Variants in SWAP70 observed in about 807,000 individuals in gnomAD.
SWAP70 encodes switch-associated protein 70.
In SWAP70, 34 loss-of-function variants were observed where a neutral mutation model predicts 80.2. The ratio of observed to expected loss-of-function variants is 0.42; its 90% CI spans 0.32 to 0.56. The LOEUF is 0.56. Among genes scored for constraint, SWAP70 ranks in the 20% least tolerant of loss-of-function variants. The probability of loss-of-function intolerance (pLI) is 0.09; values close to 1 mark genes in which losing one functional copy is unlikely to be tolerated. For synonymous variants in SWAP70, 239 were observed against 238.5 expected (o/e 1.00, Z -0.02); for missense variants, 578 against 690.7 (o/e 0.84, Z 1.83).
intron 3 of SWAP70, chr11:9,719,960 A>C (rs1011277486): frequency 2.2e-6 from 1 of 463,026 alleles, no homozygotes; most frequent in African/African-American, 2.1e-5. Flanking sequence ...TTGGAACTGA[A>C]GGCCTCGAAA....
Position 9,724,782 on chromosome 11 carries a change from A to G in SWAP70, c.539A>G (p.Glu180Gly), listed in dbSNP as rs773729372. The G allele has an allele frequency of 1.9e-6, 3 of 1,614,064 alleles. No individual in the cohort carries two copies. Among genetic ancestry groups the G allele is most frequent in the Non-Finnish European group, 2.5e-6 (3 of 1,179,964 alleles). ...KNGLSAWELIELIGNGQFSKG... is the reference protein window; with the variant it reads ...KNGLSAWELIGLIGNGQFSKG... ...GGCCTTTCTGCATGGGAACTTATTGAGCTTATTGGAAATGGACAGTTTAGC... is the reference window on the plus strand; with the variant it reads ...GGCCTTTCTGCATGGGAACTTATTGGGCTTATTGGAAATGGACAGTTTAGC... Residue 180 changes from glutamate (E) to glycine (G), a missense_variant, in exon 4 of 12, where the codon GAG (glutamate) becomes GGG (glycine). Glu to Gly is a moderately conservative substitution (Grantham distance 98). Transcript: ENST00000318950.
chr11:9,746,982 A>G (rs1038609879), intron 9 of SWAP70, among the ~76,000 whole-genome samples: 1 of 152,246 alleles, frequency 6.6e-6, no homozygotes, highest in Admixed American at 6.5e-5. Context: ...CTGACCAGTC[A>G]TGTGACTTGA....
chr11:9,695,969 A>AT (rs1850752406), intron 2 of SWAP70, among the ~76,000 whole-genome samples: 1 of 151,786 alleles, frequency 6.6e-6, no homozygotes, highest in Non-Finnish European at 1.5e-5. Context: ...TCACTTTTGT[A>AT]TTTTTTTGTA....
intron 3 of SWAP70, among the ~76,000 whole-genome samples, chr11:9,721,456 A>AT (rs1303497446): frequency 1.4e-5 from 2 of 145,464 alleles, no homozygotes; most frequent in Non-Finnish European, 3.0e-5. Context: ...CTTTTAATAT[A>AT]TTTTTTCTTT....
intron 1 of SWAP70, among the ~76,000 whole-genome samples, chr11:9,686,327 G>A (rs746108817): frequency 4.4e-5 from 4 of 90,918 alleles, no homozygotes; most frequent in African/African-American, 1.4e-4. Flanking sequence ...GTATCCTTTC[G>A]TATCCTCTTT....
intron 9 of SWAP70, chr11:9,742,080 A>C (rs1299436909): frequency 6.6e-6 from 1 of 152,018 alleles, no homozygotes; most frequent in Non-Finnish European, 1.5e-5. Context: ...TCTCAAAAAA[A>C]ACACAAAACA....
chr11:9,674,129 G>T (rs1850455374), intron 1 of SWAP70, among the ~76,000 whole-genome samples: 1 of 152,096 alleles, frequency 6.6e-6, no homozygotes. Context: ...TCAAACTCCT[G>T]ACCTCAAGTG....
At chr11:9,732,318 A>G (rs775773138) in intron 6 of SWAP70, among the ~76,000 whole-genome samples, 1 of 152,124 alleles carries the variant, frequency 6.6e-6, no homozygotes, top group Non-Finnish European at 1.5e-5. Context: ...TGATGCTGCA[A>G]GAGGTTATTT....
intron 2 of SWAP70, among the ~76,000 whole-genome samples, chr11:9,706,040 A>G (rs867684298): frequency 1.9e-3 from 16 of 8,378 alleles, no homozygotes; most frequent in Non-Finnish European, 3.1e-3. Flanking sequence ...TGATCTGTAT[A>G]CACTGGTGAT....
At chr11:9,713,766 G>C in intron 3 of SWAP70, 127 bp downstream of exon 3, 1 of 1,104,522 alleles carries the variant, frequency 9.1e-7, no homozygotes, top group Non-Finnish European at 1.3e-6. Context: ...TGGATCAGAG[G>C]CAAAGCAGCC....
chr11:9,740,726 G>C (rs914660200), intron 9 of SWAP70: 1 of 263,508 alleles, frequency 3.8e-6, no homozygotes, highest in Non-Finnish European at 7.3e-6. Flanking sequence ...GCAGAGGCCT[G>C]TTCAGGCCAA....
At chr11:9,694,041 T>C in intron 1 of SWAP70, 105 bp from the exon 2 acceptor site, 4 of 1,375,080 alleles carry the variant, frequency 2.9e-6, no homozygotes, top group South Asian at 1.8e-5. Flanking sequence ...TAGTTTATTT[T>C]CCATCTTTCT....
intron 1 of SWAP70, among the ~76,000 whole-genome samples, chr11:9,690,235 G>C (rs1461261667): frequency 6.6e-6 from 1 of 152,034 alleles, no homozygotes; most frequent in Non-Finnish European, 1.5e-5. Flanking sequence ...CTTTTTACTA[G>C]TTTATATTCC....
At chr11:9,676,933 G>T (rs1476240851) in intron 1 of SWAP70, among the ~76,000 whole-genome samples, 5 of 152,016 alleles carry the variant, frequency 3.3e-5, no homozygotes, top group Non-Finnish European at 7.4e-5. Flanking sequence ...GATTACAGGC[G>T]TGAGCCACTG....
At chr11:9,675,910 C>T (rs1230937069) in intron 1 of SWAP70, among the ~76,000 whole-genome samples, 1 of 123,616 alleles carries the variant, frequency 8.1e-6, no homozygotes, top group East Asian at 2.5e-4. Context: ...GCTCTGTTAA[C>T]TTGATTTGCA....
At chr11:9,672,221 A>ATATATATG (rs1292395886) in intron 1 of SWAP70, among the ~76,000 whole-genome samples, 6 of 134,864 alleles carry the variant, frequency 4.4e-5, no homozygotes, top group African/African-American at 1.6e-4. Context: ...ATATATATAT[A>ATATATATG]TATATATGAT....
chr11:9,721,573 G>C (rs1223513374), intron 3 of SWAP70, among the ~76,000 whole-genome samples: 1 of 150,988 alleles, frequency 6.6e-6, no homozygotes, highest in Non-Finnish European at 1.5e-5. Flanking sequence ...CTTGGCTCAA[G>C]CAGTCTTCCC....
At chr11:9,726,668 T>C (rs72850674) in intron 4 of SWAP70, among the ~76,000 whole-genome samples, 1,532 of 152,378 alleles carry the variant, frequency 0.01, 15 homozygotes, top group South Asian at 0.029. Context: ...TTTAATGATA[T>C]GTATATTCTA....
rs190218355 is a variant in SWAP70 at position 9,668,154 on chromosome 11, A to T, written c.99+3876A>T. 1.4e-4 allele frequency among the ~76,000 whole-genome samples: 21 copies of T among 152,274 alleles called. No individual in the cohort carries two copies. The East Asian group carries it at 4.1e-3, about 29-fold the overall frequency. ...TCCACCCGCCTTGGCCTCCCAAAGCATTGGGATTATAGGCGTGAGCCACCA... is the reference window on the plus strand; with the variant it reads ...TCCACCCGCCTTGGCCTCCCAAAGCTTTGGGATTATAGGCGTGAGCCACCA... On this transcript the variant is annotated intron_variant, in intron 1 of 11. Coordinates refer to ENST00000318950, the MANE Select transcript of SWAP70 (RefSeq NM_015055.4).
Sources: allele counts gnomAD v4.1 joint callset (sites outside exome capture counted in the v4.1 genomes callset), GRCh38; gene constraint gnomAD v4.1.1; transcripts MANE v1.5; gene names NCBI Gene and HGNC (gene_info 2026-07-23, HGNC 2026-07-21).